Variants in LRRC4C observed in about 807,000 individuals in gnomAD.
LRRC4C encodes leucine rich repeat containing 4C, also known as leucine-rich repeat-containing protein 4C.
Under a neutral mutation model 33.6 loss-of-function variants are expected in LRRC4C, and 5 were observed. The ratio of observed to expected loss-of-function variants is 0.15; its 90% CI spans 0.08 to 0.31. The LOEUF (loss-of-function observed/expected upper bound fraction) is 0.31, where lower values mean the gene tolerates loss of function less well. LRRC4C is among the 10% of genes least tolerant of loss of function. The pLI is 1.00. For synonymous variants in LRRC4C, 329 were observed against 302.0 expected (o/e 1.09, Z -0.93); for missense variants, 560 against 796.7 (o/e 0.70, Z 3.58).
rs1014297513 is a variant in LRRC4C at position 40,142,049 on chromosome 11, G to C, written c.-95-1196C>G. 8.5e-5 allele frequency among the ~76,000 whole-genome samples: 13 copies of C among 152,150 alleles called. No individual in the cohort carries two copies. In the South Asian group the frequency reaches 2.1e-3, roughly 24 times the overall value. Reference sequence around the variant, plus strand: ...TGTAATCCCAGCACTCTCGGAGGCCGAGGTGGGTGGATCACCTGATGTCAG... The same window carrying C: ...TGTAATCCCAGCACTCTCGGAGGCCCAGGTGGGTGGATCACCTGATGTCAG... On this transcript the variant is annotated intron_variant, in intron 5 of 6. Coordinates refer to ENST00000528697, the MANE Select transcript of LRRC4C (RefSeq NM_001258419.2).
chr11:40,150,857 G>A (rs1858144188), intron 5 of LRRC4C, among the ~76,000 whole-genome samples: 1 of 152,126 alleles, frequency 6.6e-6, no homozygotes, highest in Non-Finnish European at 1.5e-5. Context: ...AGAAATAGAA[G>A]TAGAAGATTA....
In LRRC4C at chr11:41,330,705, G is replaced by A. The variant is rs1173831204; in HGVS notation, c.-496+128726C>T. Among the ~76,000 whole-genome samples the A allele has an allele frequency of 2.6e-5, 4 of 152,004 alleles. No homozygotes were observed. The East Asian group carries it at 7.7e-4, about 29-fold the overall frequency. ...TCCCACCTCAGCCTCAGCCTTCCAA[G>A]TAACTGGAACTACAGTGTAGTTTTA... On this transcript the variant is annotated intron_variant, in intron 1 of 6. Coordinates refer to ENST00000528697, the MANE Select transcript of LRRC4C (RefSeq NM_001258419.2).
At chr11:40,925,662 C>A (rs796403418) in intron 2 of LRRC4C, among the ~76,000 whole-genome samples, 1 of 152,082 alleles carries the variant, frequency 6.6e-6, no homozygotes, top group South Asian at 2.1e-4. Flanking sequence ...TAGAGCACAG[C>A]GTTTGGGTTT....
chr11:40,559,845 G>A lies in LRRC4C; in HGVS notation c.-270+88297C>T, dbSNP rs576729220. Among the ~76,000 whole-genome samples the A allele has an allele frequency of 2.0e-5, 3 of 152,032 alleles. No individual in the cohort carries two copies. In the South Asian group the frequency reaches 6.2e-4, roughly 32 times the overall value. ...GTGATATTAAGCTTTTTTTTCACAT[G>A]CTTGTTGGCCACAAGATACAAATTT... On this transcript the variant is annotated intron_variant, in intron 3 of 6. Transcript: ENST00000528697.
intron 3 of LRRC4C, among the ~76,000 whole-genome samples, chr11:40,537,510 C>A (rs1413858411): frequency 2.0e-5 from 3 of 152,138 alleles, no homozygotes; most frequent in Non-Finnish European, 4.4e-5. Flanking sequence ...GTAAGAGAGA[C>A]AGGTAAAGTT....
At chr11:41,433,801 A>ATATG (rs1555170990) in intron 1 of LRRC4C, among the ~76,000 whole-genome samples, 2 of 149,370 alleles carry the variant, frequency 1.3e-5, no homozygotes, top group South Asian at 2.1e-4. Flanking sequence ...TCCCATATAT[A>ATATG]TGTGTGTGTG....
chr11:40,392,980 G>T (rs565333330), intron 3 of LRRC4C, among the ~76,000 whole-genome samples: 17 of 152,016 alleles, frequency 1.1e-4, no homozygotes, highest in African/African-American at 3.6e-4. Flanking sequence ...ATTGATAAGT[G>T]ACTCACGATA....
chr11:41,453,797 T>G (rs1261104879), intron 1 of LRRC4C, among the ~76,000 whole-genome samples: 4 of 152,134 alleles, frequency 2.6e-5, no homozygotes, highest in Non-Finnish European at 5.9e-5. Context: ...TTTCTTGGTG[T>G]GTGTTGGTAA....
chr11:40,298,701 A>G (rs1446668965), intron 4 of LRRC4C, among the ~76,000 whole-genome samples: 15 of 152,050 alleles, frequency 9.9e-5, no homozygotes, highest in Non-Finnish European at 2.1e-4. Context: ...AGGCTAATTT[A>G]TAAAGAAAAT....
At chr11:40,787,163 C>T (rs186400611) in intron 2 of LRRC4C, among the ~76,000 whole-genome samples, 2 of 152,200 alleles carry the variant, frequency 1.3e-5, no homozygotes, top group East Asian at 1.9e-4. Context: ...GAAGCAGACC[C>T]TCTACTTCTC....
intron 1 of LRRC4C, among the ~76,000 whole-genome samples, chr11:41,158,039 C>T (rs935383020): frequency 8.6e-5 from 13 of 151,950 alleles, no homozygotes; most frequent in Admixed American, 7.9e-4. Context: ...TGACCATCCC[C>T]AATTCTCCTC....
At chr11:41,057,502 T>A (rs1211111761) in intron 1 of LRRC4C, among the ~76,000 whole-genome samples, 4 of 152,140 alleles carry the variant, frequency 2.6e-5, no homozygotes, top group African/African-American at 9.6e-5. Context: ...AGGGAGGGCC[T>A]GAAAATTGGG....
At chr11:40,334,337 A>T (rs1212968702) in intron 3 of LRRC4C, among the ~76,000 whole-genome samples, 1 of 152,182 alleles carries the variant, frequency 6.6e-6, no homozygotes, top group Non-Finnish European at 1.5e-5. Flanking sequence ...CAAAAAAAAA[A>T]AAGTAAGCCA....
At chr11:40,234,887 CT>C (rs1565168228) in intron 5 of LRRC4C, among the ~76,000 whole-genome samples, 1 of 152,186 alleles carries the variant, frequency 6.6e-6, no homozygotes, top group African/African-American at 2.4e-5. Context: ...AAAATCAAAA[CT>C]TTTTTTAGAC....
chr11:40,176,149 G>C (rs1860465822), intron 5 of LRRC4C, among the ~76,000 whole-genome samples: 1 of 152,154 alleles, frequency 6.6e-6, no homozygotes, highest in Non-Finnish European at 1.5e-5. Flanking sequence ...GTGATACAAG[G>C]TTATTTCAGT....
intron 5 of LRRC4C, among the ~76,000 whole-genome samples, chr11:40,176,304 C>G (rs1169436139): frequency 6.6e-6 from 1 of 152,102 alleles, no homozygotes; most frequent in Non-Finnish European, 1.5e-5. Flanking sequence ...TTTGCATTGT[C>G]CTTCTTGCTA....
At chr11:41,220,533 T>TAC (rs3067232) in intron 1 of LRRC4C, among the ~76,000 whole-genome samples, 10,914 of 144,212 alleles carry the variant, frequency 0.076, 900 homozygotes, top group African/African-American at 0.22. Context: ...CACACAGACA[T>TAC]ACACACACAC....
intron 1 of LRRC4C, among the ~76,000 whole-genome samples, chr11:41,185,595 A>T (rs2054838): frequency 3.3e-5 from 5 of 152,168 alleles, no homozygotes; most frequent in East Asian, 3.9e-4. Context: ...GACAGTATTT[A>T]GTGGAGAAAA....
At chr11:40,257,417 T>C (rs1867295662) in intron 4 of LRRC4C, among the ~76,000 whole-genome samples, 1 of 152,190 alleles carries the variant, frequency 6.6e-6, no homozygotes, top group Non-Finnish European at 1.5e-5. Flanking sequence ...ACAGTATTGA[T>C]GCCTAAAAAA....
Sources: allele counts gnomAD v4.1 joint callset (sites outside exome capture counted in the v4.1 genomes callset), GRCh38; gene constraint gnomAD v4.1.1; transcripts MANE v1.5; gene names NCBI Gene and HGNC (gene_info 2026-07-23, HGNC 2026-07-21).